The following RNF130 variants were observed in gnomAD, a reference collection of about 807,000 sequenced individuals.
The protein encoded by RNF130 is E3 ubiquitin-protein ligase RNF130.
Under a neutral mutation model 44.6 loss-of-function variants are expected in RNF130, and 21 were observed. The observed-to-expected ratio is 0.47, with a 90% CI of 0.33 to 0.68. The LOEUF is 0.68. RNF130 is among the 30% of genes least tolerant of loss of function. The pLI, the probability that RNF130 is intolerant of heterozygous loss-of-function variation, is 0.02. For missense variants in RNF130, 479 were observed against 560.6 expected (o/e 0.85, Z 1.47); for synonymous variants, 214 against 210.4 (o/e 1.02, Z -0.15).
intron 7 of RNF130, chr5:179,933,755 G>A (rs988104324): frequency 1.1e-5 from 5 of 444,750 alleles, no homozygotes; most frequent in African/African-American, 4.2e-5. Flanking sequence ...ACTCTTAGGC[G>A]CAAGCGATTC....
intron 2 of RNF130, chr5:180,015,242 G>T (rs574348925): frequency 1.3e-5 from 6 of 454,590 alleles, no homozygotes; most frequent in Middle Eastern, 3.5e-4. Context: ...ATGCTAAACC[G>T]CTTTAAATTT....
At chr5:180,058,658 C>T (rs1056192717) in intron 1 of RNF130, among the ~76,000 whole-genome samples, 2 of 151,998 alleles carry the variant, frequency 1.3e-5, no homozygotes, top group African/African-American at 2.4e-5. Context: ...CGGGTTCAAG[C>T]GAGTCTCCTG....
At chr5:180,022,611 C>A (rs1763898570) in intron 2 of RNF130, among the ~76,000 whole-genome samples, 1 of 152,200 alleles carries the variant, frequency 6.6e-6, no homozygotes, top group Non-Finnish European at 1.5e-5. Context: ...CCACGGCACA[C>A]ATCAATGTAC....
At chr5:179,972,525 G>T (rs566459494) in intron 5 of RNF130, among the ~76,000 whole-genome samples, 137 of 152,180 alleles carry the variant, frequency 9.0e-4, no homozygotes, top group Non-Finnish European at 7.2e-4. Flanking sequence ...CCCGCTGGGG[G>T]TCGGGGGAGG....
At position 179,970,390 on chromosome 5, in the gene RNF130, A is replaced by C. The variant is rs1310325726; in HGVS notation, c.945+20T>G. ...TATAATAATATACAAAAGTGGTAAC[A>C]AATAAAATAGGAAACGTACCACAAT... On this transcript the variant is annotated intron_variant, in intron 6 of 8. Transcript: ENST00000521389. 7.0e-6 allele frequency: 11 copies of C among 1,571,686 alleles called. No homozygotes were observed. The highest frequency in any genetic ancestry group is 8.7e-6 in the Non-Finnish European group (10 of 1,146,700).
chr5:180,040,398 A>C, intron 2 of RNF130, 55 bp downstream of exon 2: 1 of 1,508,110 alleles, frequency 6.6e-7, no homozygotes, highest in Non-Finnish European at 9.1e-7. Flanking sequence ...GCTTACCTAT[A>C]AAGCAATGAT....
intron 2 of RNF130, among the ~76,000 whole-genome samples, chr5:180,015,737 A>AAAAGGAGAAGG (rs1763711670): frequency 7.2e-5 from 1 of 13,858 alleles, no homozygotes; most frequent in Non-Finnish European, 1.5e-4. Context: ...AAGGAGTAGG[A>AAAAGGAGAAGG]AAAGGAGTAG....
chr5:179,947,739 T>C (rs530030689), intron 7 of RNF130, among the ~76,000 whole-genome samples: 4 of 152,332 alleles, frequency 2.6e-5, no homozygotes, highest in African/African-American at 9.6e-5. Context: ...TTGTACACTA[T>C]TATCAAACAA....
intron 7 of RNF130, among the ~76,000 whole-genome samples, chr5:179,940,724 C>G (rs1221180534): frequency 1.3e-5 from 2 of 151,734 alleles, no homozygotes; most frequent in African/African-American, 4.8e-5. Flanking sequence ...CCCAGTCCTT[C>G]TTTAATCTGC....
chr5:179,988,853 T>G, intron 3 of RNF130, among the ~76,000 whole-genome samples: 1 of 152,268 alleles, frequency 6.6e-6, no homozygotes, highest in East Asian at 1.9e-4. Context: ...ATGTGTATTC[T>G]GCAGCAATTT....
At chr5:179,991,110 A>C (rs1763072637) in intron 3 of RNF130, among the ~76,000 whole-genome samples, 1 of 152,144 alleles carries the variant, frequency 6.6e-6, no homozygotes, top group Non-Finnish European at 1.5e-5. Flanking sequence ...CACTTTGAAA[A>C]TAGCATCCCA....
At chr5:179,976,671 T>C (rs1239878278) in intron 5 of RNF130, 1 of 152,034 alleles carries the variant, frequency 6.6e-6, no homozygotes, top group East Asian at 1.9e-4. Flanking sequence ...TTTCAGTACA[T>C]GTAATTCTTC....
intron 7 of RNF130, among the ~76,000 whole-genome samples, chr5:179,924,387 C>T (rs538283937): frequency 1.0e-4 from 15 of 149,888 alleles, no homozygotes; most frequent in African/African-American, 3.5e-4. Flanking sequence ...CCCAGCTACT[C>T]GGGAGGCTGA....
Position 180,013,550 on chromosome 5 carries a change from T to C in RNF130, c.443-239A>G, listed in dbSNP as rs371096198. On this transcript the variant is annotated intron_variant, in intron 2 of 8. Coordinates refer to ENST00000521389, the MANE Select transcript of RNF130 (RefSeq NM_018434.6). ...CATAAGGCATAGAACGACTGCAGTGTTAAGAACCATATTAACTTGTCTGAC... is the reference window on the plus strand; with the variant it reads ...CATAAGGCATAGAACGACTGCAGTGCTAAGAACCATATTAACTTGTCTGAC... Among the ~76,000 whole-genome samples, 99 of 152,310 alleles carry C rather than the reference T, an allele frequency of 6.5e-4. 1 individual carries two copies. The highest frequency in any genetic ancestry group is 2.3e-3 in the African/African-American group (94 of 41,564).
At chr5:180,036,266 T>C (rs1387547064) in intron 2 of RNF130, among the ~76,000 whole-genome samples, 5 of 152,316 alleles carry the variant, frequency 3.3e-5, no homozygotes, top group South Asian at 4.1e-4. Context: ...CCATGATGTT[T>C]CCACTCAGTT....
Position 179,998,857 on chromosome 5 carries a change from TTTTATA to T in RNF130, c.693+14198_693+14203del, listed in dbSNP as rs1304995601. On this transcript the variant is annotated intron_variant, in intron 3 of 8. Coordinates refer to ENST00000521389, the MANE Select transcript of RNF130 (RefSeq NM_018434.6). Reference sequence around the variant, plus strand: ...TATCTCTCTCTTTAGATCTAGTATTTTTTATATATATATATATATATATATATGTTT... The same window carrying T: ...TATCTCTCTCTTTAGATCTAGTATTTTATATATATATATATATATATGTTT... 1.1e-3 allele frequency among the ~76,000 whole-genome samples: 71 copies of T among 65,236 alleles called. 3 individuals are homozygous for T. In the East Asian group the frequency reaches 0.015, roughly 13 times the overall value. 42.8% of individuals were successfully genotyped at this position (65,236 alleles called of 152,430 possible).
intron 6 of RNF130, among the ~76,000 whole-genome samples, chr5:179,968,349 G>A (rs1022654960): frequency 4.7e-5 from 7 of 150,134 alleles, no homozygotes; most frequent in African/African-American, 1.7e-4. Context: ...TAACAACAGA[G>A]GGTAAGTTAC....
intron 3 of RNF130, among the ~76,000 whole-genome samples, chr5:180,005,075 C>T (rs1429017962): frequency 2.0e-5 from 3 of 152,130 alleles, no homozygotes; most frequent in Non-Finnish European, 4.4e-5. Flanking sequence ...CTTTTCATAG[C>T]TCCTTCTCCC....
chr5:179,919,305 G>C (rs1477042089), exon 8 of RNF130: 1 of 152,858 alleles, frequency 6.5e-6, no homozygotes, highest in African/African-American at 2.4e-5. Flanking sequence ...CTGTAAGCCT[G>C]TCGGCCGGTG....
Sources: allele counts gnomAD v4.1 joint callset (sites outside exome capture counted in the v4.1 genomes callset), GRCh38; gene constraint gnomAD v4.1.1; transcripts MANE v1.5; gene names NCBI Gene and HGNC (gene_info 2026-07-23, HGNC 2026-07-21).